The following SH3RF3 variants were observed in gnomAD, a reference collection of about 807,000 sequenced individuals.
SH3RF3 encodes E3 ubiquitin-protein ligase SH3RF3.
In SH3RF3, 29 loss-of-function variants were observed where a neutral mutation model predicts 66.3. The ratio of observed to expected loss-of-function variants is 0.44; its 90% CI spans 0.33 to 0.60. The LOEUF (loss-of-function observed/expected upper bound fraction) is 0.60, where lower values mean the gene tolerates loss of function less well. Among genes scored for constraint, SH3RF3 ranks in the 20% least tolerant of loss-of-function variants. The probability of loss-of-function intolerance (pLI) is 0.04; values close to 1 mark genes in which losing one functional copy is unlikely to be tolerated. For synonymous variants in SH3RF3, 583 were observed against 532.0 expected (o/e 1.10, Z -1.32); for missense variants, 1,194 against 1,190.9 (o/e 1.00, Z -0.04).
At chr2:109,160,728 C>G (rs902454800) in intron 1 of SH3RF3, among the ~76,000 whole-genome samples, 1 of 152,184 alleles carries the variant, frequency 6.6e-6, no homozygotes, top group Non-Finnish European at 1.5e-5. Flanking sequence ...CCTGCTCCTA[C>G]TCTGGGAGCT....
intron 1 of SH3RF3, among the ~76,000 whole-genome samples, chr2:109,281,851 C>A (rs1275250275): frequency 6.6e-6 from 1 of 152,056 alleles, no homozygotes; most frequent in Non-Finnish European, 1.5e-5. Flanking sequence ...GCACACAGAC[C>A]CCCAGCGGGC....
intron 1 of SH3RF3, among the ~76,000 whole-genome samples, chr2:109,195,560 C>T (rs911520974): frequency 6.6e-6 from 1 of 152,238 alleles, no homozygotes; most frequent in Non-Finnish European, 1.5e-5. Flanking sequence ...TTGCACCTAA[C>T]CCTCGCATGC....
rs1676640033 is a variant in SH3RF3 at position 109,129,774 on chromosome 2, C to T, written c.234C>T (p.Cys78=). The T allele has an allele frequency of 4.5e-6, 7 of 1,539,130 alleles. No homozygotes were observed. The highest frequency in any genetic ancestry group is 1.2e-5 in the South Asian group (1 of 83,230). Residue 78 remains cysteine (C), a synonymous_variant, in exon 1 of 10, where the codon TGC becomes TGT. Transcript: ENST00000309415. ...AKVLPCQHTF[C]RRCLESIVCS... is the part of the protein sequence containing the mutation. ...TGCTGCCATGCCAACACACTTTCTG[C>T]CGCCGCTGCCTGGAGAGCATCGTGT...
intron 8 of SH3RF3, among the ~76,000 whole-genome samples, chr2:109,465,540 C>G (rs1230530764): frequency 6.6e-6 from 1 of 152,184 alleles, no homozygotes; most frequent in Admixed American, 6.5e-5. Flanking sequence ...ATGTAGTGGT[C>G]TCTCATTGTT....
In SH3RF3 at chr2:109,490,660, A is replaced by C; in HGVS notation, c.2204A>C (p.Lys735Thr). Residue 735 changes from lysine to threonine, a missense_variant, in exon 9 of 10, where the codon AAG becomes ACG. By Grantham distance (78) the Lys-to-Thr change is moderately conservative. Transcript: ENST00000309415. ...CTAGCCGGAGCATCCACCAAGAAGA[A>C]GTCACGCTCCCCGCCATCTGTGTCT... ...KLLAGASTKK[K>T]SRSPPSVSPT... The C allele has an allele frequency of 2.0e-6, 3 of 1,509,920 alleles. No homozygotes were observed. Among genetic ancestry groups the C allele is most frequent in the Non-Finnish European group, 2.7e-6 (3 of 1,128,732 alleles). The allele number at this position is 1,509,920 out of a possible 1,614,324, so 93.5% of individuals were successfully genotyped here. A position where few individuals can be genotyped will look rare whatever the true frequency, so the allele number is the denominator to read the frequency against.
intron 1 of SH3RF3, among the ~76,000 whole-genome samples, chr2:109,216,674 T>C (rs1383939404): frequency 6.6e-6 from 1 of 152,260 alleles, no homozygotes; most frequent in Non-Finnish European, 1.5e-5. Context: ...CTGCCCTCTC[T>C]AGCCAGTGCC....
At chr2:109,439,709 A>G (rs543585511) in intron 7 of SH3RF3, among the ~76,000 whole-genome samples, 1 of 152,170 alleles carries the variant, frequency 6.6e-6, no homozygotes, top group Non-Finnish European at 1.5e-5. Context: ...GTAAGAGCCC[A>G]GCATAGCCAT....
At chr2:109,419,816 A>G (rs1185777936) in intron 5 of SH3RF3, among the ~76,000 whole-genome samples, 174 bp downstream of exon 5, 1 of 152,252 alleles carries the variant, frequency 6.6e-6, no homozygotes, top group Non-Finnish European at 1.5e-5. Flanking sequence ...ACAAAAGTCT[A>G]GCGGTTCCTT....
chr2:109,325,703 C>T (rs1329997233), intron 1 of SH3RF3, among the ~76,000 whole-genome samples: 2 of 152,202 alleles, frequency 1.3e-5, no homozygotes, highest in East Asian at 3.8e-4. Context: ...CTCCTGGTTT[C>T]CAAGCCAGGC....
At position 109,230,484 on chromosome 2, in the gene SH3RF3, G is replaced by C. The variant is rs144811032; in HGVS notation, c.573+100371G>C. Among the ~76,000 whole-genome samples the C allele has an allele frequency of 3.9e-3, 590 of 152,300 alleles. 6 individuals carry two copies. Among genetic ancestry groups the C allele is most frequent in the African/African-American group, 0.013 (557 of 41,566 alleles). ...TATCCCAGTTACTCGGGGGGCTGAG[G>C]CAGGAGAATTGCTTGAACCTAGTAG... On this transcript the variant is annotated intron_variant, in intron 1 of 9. Coordinates refer to ENST00000309415, the MANE Select transcript of SH3RF3 (RefSeq NM_001099289.3).
chr2:109,353,273 C>T (rs1335632391), intron 2 of SH3RF3, among the ~76,000 whole-genome samples: 7 of 152,238 alleles, frequency 4.6e-5, no homozygotes, highest in Non-Finnish European at 1.0e-4. Context: ...AGCCCACTGC[C>T]TCCCTGGGCC....
At chr2:109,500,020 C>T (rs748543720) in intron 9 of SH3RF3, among the ~76,000 whole-genome samples, 1 of 152,032 alleles carries the variant, frequency 6.6e-6, no homozygotes, top group South Asian at 2.1e-4. Context: ...GCGGGTGGTC[C>T]GTGTGAACAC....
intron 1 of SH3RF3, among the ~76,000 whole-genome samples, chr2:109,320,258 G>A (rs1305199869): frequency 6.6e-6 from 1 of 152,186 alleles, no homozygotes; most frequent in Non-Finnish European, 1.5e-5. Flanking sequence ...GAGGAGGGCG[G>A]TGGGAATGAG....
intron 1 of SH3RF3, among the ~76,000 whole-genome samples, chr2:109,183,353 C>T (rs558031374): frequency 6.6e-6 from 1 of 152,290 alleles, no homozygotes; most frequent in African/African-American, 2.4e-5. Flanking sequence ...TGAGAGTCTA[C>T]ACAGGGAACC....
rs540232279 is a variant in SH3RF3, at chr2:109,457,310, A to G, written c.2148+7821A>G. Reference sequence around the variant, plus strand: ...TCCCCGAGGCTTCTCTAAAAGATCAAAGGAGGGGTTAATTTTGTTATATGA... The same window carrying G: ...TCCCCGAGGCTTCTCTAAAAGATCAGAGGAGGGGTTAATTTTGTTATATGA... On this transcript the variant is annotated intron_variant, in intron 8 of 9. Transcript: ENST00000309415. Among the ~76,000 whole-genome samples the G allele has an allele frequency of 3.3e-5, 5 of 152,344 alleles. No individual in the cohort carries two copies. The East Asian group carries it at 9.6e-4, about 29-fold the overall frequency.
intron 7 of SH3RF3, among the ~76,000 whole-genome samples, chr2:109,444,495 G>A (rs1315810078): frequency 1.3e-5 from 2 of 152,190 alleles, no homozygotes; most frequent in Admixed American, 1.3e-4. Flanking sequence ...AGGTGTGCCA[G>A]TTCTAAAAAT....
intron 1 of SH3RF3, among the ~76,000 whole-genome samples, chr2:109,347,324 C>T (rs1311484360): frequency 6.6e-6 from 1 of 152,132 alleles, no homozygotes; most frequent in Non-Finnish European, 1.5e-5. Context: ...TTAGGAAAGT[C>T]ACCTTCCCTC....
At chr2:109,429,255 G>A (rs1350397370) in intron 5 of SH3RF3, among the ~76,000 whole-genome samples, 1 of 152,176 alleles carries the variant, frequency 6.6e-6, no homozygotes, top group Admixed American at 6.5e-5. Context: ...CGAGCCGCAT[G>A]CCAGAAAACA....
At chr2:109,451,557 G>A (rs574007445) in intron 8 of SH3RF3, among the ~76,000 whole-genome samples, 11 of 152,242 alleles carry the variant, frequency 7.2e-5, no homozygotes, top group Admixed American at 7.2e-4. Flanking sequence ...GAATCTACAC[G>A]GAGGATGATG....
Sources: allele counts gnomAD v4.1 joint callset (sites outside exome capture counted in the v4.1 genomes callset), GRCh38; gene constraint gnomAD v4.1.1; transcripts MANE v1.5; gene names NCBI Gene and HGNC (gene_info 2026-07-23, HGNC 2026-07-21).